KLHL29: variants seen among roughly 807,000 people sequenced by gnomAD.
KLHL29 encodes kelch like family member 29.
A neutral mutation model predicts 80.4 loss-of-function variants in KLHL29; 21 were observed. That is an observed-to-expected ratio of 0.26 (90% CI 0.19 to 0.38). The LOEUF is 0.38. KLHL29 is among the 10% of genes least tolerant of loss of function. KLHL29 has a pLI of 1.00. For synonymous variants in KLHL29, 511 were observed against 526.8 expected, an observed-to-expected ratio of 0.97 and a Z score of 0.41; for missense variants, 867 against 1,223.9, an observed-to-expected ratio of 0.71 and a Z score of 4.35.
At chr2:23,611,567 C>T (rs1668872243) in intron 3 of KLHL29, among the ~76,000 whole-genome samples, 1 of 152,192 alleles carries the variant, frequency 6.6e-6, no homozygotes, top group South Asian at 2.1e-4. Flanking sequence ...ATCTTGACCT[C>T]AAATTATTTC....
chr2:23,506,778 A>G (rs576669091), intron 2 of KLHL29, among the ~76,000 whole-genome samples: 18 of 152,282 alleles, frequency 1.2e-4, no homozygotes, highest in Non-Finnish European at 2.2e-4. Context: ...TGTAGGGGAC[A>G]CCATCAAAGC....
intron 3 of KLHL29, among the ~76,000 whole-genome samples, chr2:23,628,081 T>A (rs1324663070): frequency 2.0e-5 from 3 of 151,474 alleles, no homozygotes; most frequent in Non-Finnish European, 4.4e-5. Flanking sequence ...CCCAGCTAAT[T>A]TTTGTATTTT....
intron 3 of KLHL29, among the ~76,000 whole-genome samples, chr2:23,574,542 G>T (rs549647925): frequency 6.6e-6 from 1 of 152,178 alleles, no homozygotes. Context: ...AGTGGCTGGC[G>T]TGGAGGGAAG....
At chr2:23,483,980 T>C (rs1417057619) in intron 2 of KLHL29, among the ~76,000 whole-genome samples, 4 of 152,148 alleles carry the variant, frequency 2.6e-5, no homozygotes, top group Non-Finnish European at 4.4e-5. Flanking sequence ...AAGCCAGGCA[T>C]TGACCATCTG....
chr2:23,682,689 C>T lies in KLHL29; in HGVS notation c.941-1710C>T, dbSNP rs79460403. 1.2e-3 allele frequency among the ~76,000 whole-genome samples: 175 copies of T among 151,520 alleles called. No homozygotes were observed. Among genetic ancestry groups the T allele is most frequent in the African/African-American group, 4.0e-3 (164 of 41,452 alleles). On this transcript the variant is annotated intron_variant, in intron 5 of 13. Transcript: ENST00000486442. The surrounding 1 kb of genome is among the most constrained non-coding windows in gnomAD (Gnocchi z 4.1). Reference sequence around the variant, plus strand: ...GCTCCTGCACCCTCCCACACCCTCCCGCACCCTCCCGCGCCCTCCCACTGG... The same window carrying T: ...GCTCCTGCACCCTCCCACACCCTCCTGCACCCTCCCGCGCCCTCCCACTGG...
At chr2:23,593,129 G>A (rs1259961116) in intron 3 of KLHL29, among the ~76,000 whole-genome samples, 1 of 152,186 alleles carries the variant, frequency 6.6e-6, no homozygotes, top group Admixed American at 6.5e-5. Flanking sequence ...CCCAGCTCCC[G>A]GGAGTCCTTG....
At chr2:23,595,836 G>A (rs1396424925) in intron 3 of KLHL29, among the ~76,000 whole-genome samples, 1 of 152,154 alleles carries the variant, frequency 6.6e-6, no homozygotes, top group Admixed American at 6.5e-5. Flanking sequence ...CTCTCCCAGG[G>A]TGGCTGCTAG....
intron 1 of KLHL29, among the ~76,000 whole-genome samples, chr2:23,392,592 G>A (rs2577754): frequency 0.028 from 4,234 of 152,124 alleles, 60 homozygotes; most frequent in East Asian, 0.037. Context: ...TCAATGCTTC[G>A]AGGTAGGGAT....
chr2:23,498,023 G>A (rs1665321179), intron 2 of KLHL29, among the ~76,000 whole-genome samples: 1 of 151,884 alleles, frequency 6.6e-6, no homozygotes, highest in Non-Finnish European at 1.5e-5. Flanking sequence ...CTTATAGATA[G>A]TGAAATGGTT....
intron 3 of KLHL29, among the ~76,000 whole-genome samples, chr2:23,606,142 G>A (rs1338113629): frequency 2.0e-5 from 3 of 147,784 alleles, no homozygotes; most frequent in Non-Finnish European, 4.5e-5. Context: ...GTGAGCTAGT[G>A]TGTGTGTGTG....
intron 1 of KLHL29, 113 bp downstream of exon 1, chr2:23,385,893 G>GGAACCCT (rs1666162979): frequency 6.6e-6 from 1 of 151,836 alleles, no homozygotes; most frequent in Non-Finnish European, 1.5e-5. Flanking sequence ...GCCGGAACCC[G>GGAACCCT]GAACCCTGGG....
intron 1 of KLHL29, among the ~76,000 whole-genome samples, chr2:23,423,981 C>T (rs1250567983): frequency 6.6e-6 from 1 of 151,840 alleles, no homozygotes; most frequent in African/African-American, 2.4e-5. Context: ...CTCTCTCTCC[C>T]TTCCTGCCCA....
chr2:23,453,311 A>G (rs1663944533), intron 1 of KLHL29, among the ~76,000 whole-genome samples: 1 of 152,124 alleles, frequency 6.6e-6, no homozygotes. Context: ...CTGCCCGGGA[A>G]CTACCTGTCC....
At chr2:23,481,544 G>C (rs1044931361) in intron 2 of KLHL29, among the ~76,000 whole-genome samples, 1 of 152,220 alleles carries the variant, frequency 6.6e-6, no homozygotes, top group African/African-American at 2.4e-5. Context: ...ACAGTAGCTG[G>C]TCAGCAGCCT....
chr2:23,657,927 A>AG (rs1670292297), intron 5 of KLHL29, among the ~76,000 whole-genome samples: 1 of 152,158 alleles, frequency 6.6e-6, no homozygotes, highest in Admixed American at 6.5e-5. Context: ...AGAAGCCCTT[A>AG]GGGGTGGTCC....
chr2:23,460,186 C>T (rs1664171368), intron 1 of KLHL29, among the ~76,000 whole-genome samples: 1 of 152,172 alleles, frequency 6.6e-6, no homozygotes, highest in African/African-American at 2.4e-5. Context: ...TATTTTATTT[C>T]ATTTCCTTCT....
At chr2:23,579,067 G>A (rs1361876220) in intron 3 of KLHL29, among the ~76,000 whole-genome samples, 2 of 152,214 alleles carry the variant, frequency 1.3e-5, no homozygotes, top group Admixed American at 6.5e-5. Context: ...TTTGTTGGTG[G>A]TTGTGGTTAT....
intron 6 of KLHL29, chr2:23,689,520 G>A (rs1447087997): frequency 6.6e-6 from 1 of 152,390 alleles, no homozygotes; most frequent in Non-Finnish European, 1.5e-5. Flanking sequence ...ATGTGTGCGT[G>A]TGCATGTGCT....
intron 2 of KLHL29, among the ~76,000 whole-genome samples, chr2:23,521,403 G>C (rs1315825775): frequency 6.6e-6 from 1 of 152,240 alleles, no homozygotes; most frequent in Non-Finnish European, 1.5e-5. Context: ...ACCTCTAGCA[G>C]GACTGGTGCT....
Sources: gnomAD v4.1 joint callset for allele counts (sites outside exome capture counted in the v4.1 genomes callset) on GRCh38, gnomAD v4.1.1 for gene constraint, Gnocchi (gnomAD v3.1) non-coding constraint, MANE v1.5 for transcripts, NCBI Gene and HGNC (gene_info 2026-07-23, HGNC 2026-07-21) for gene names.